Variants in GRID2 observed in about 807,000 individuals in gnomAD.
The protein encoded by GRID2 is glutamate ionotropic receptor delta type subunit 2, also known as glutamate receptor ionotropic, delta-2.
Under a neutral mutation model 114.8 loss-of-function variants are expected in GRID2, and 33 were observed. The observed-to-expected ratio is 0.29, with a 90% CI of 0.22 to 0.38. The LOEUF is 0.38. Among genes scored for constraint, GRID2 ranks in the 10% least tolerant of loss-of-function variants. The probability of loss-of-function intolerance (pLI) is 1.00; values close to 1 mark genes in which losing one functional copy is unlikely to be tolerated. For missense variants in GRID2, 1,184 were observed against 1,257.7 expected (o/e 0.94, Z 0.89); for synonymous variants, 505 against 449.9 (o/e 1.12, Z -1.55).
intron 2 of GRID2, among the ~76,000 whole-genome samples, chr4:93,021,768 A>C (rs1227578046): frequency 6.9e-6 from 1 of 145,854 alleles, no homozygotes; most frequent in East Asian, 2.0e-4. Flanking sequence ...TGAATATTAT[A>C]ATATTTACAA....
intron 2 of GRID2, among the ~76,000 whole-genome samples, chr4:92,789,234 T>A (rs536492893): frequency 6.6e-6 from 1 of 151,992 alleles, no homozygotes; most frequent in African/African-American, 2.4e-5. Context: ...GCTCTTCAAA[T>A]CTACACTTTA....
At chr4:93,110,179 C>T (rs536090363) in intron 3 of GRID2, among the ~76,000 whole-genome samples, 3 of 152,232 alleles carry the variant, frequency 2.0e-5, no homozygotes, top group East Asian at 1.9e-4. Context: ...GGAGGTAATA[C>T]TAATTAAATA....
chr4:93,431,723 G>C (rs1769431928), intron 10 of GRID2, among the ~76,000 whole-genome samples: 4 of 152,064 alleles, frequency 2.6e-5, no homozygotes, highest in Admixed American at 2.6e-4. Context: ...CATTGGTTTT[G>C]GTAGAGTTTT....
intron 8 of GRID2, among the ~76,000 whole-genome samples, chr4:93,279,433 G>A (rs945756493): frequency 1.3e-5 from 2 of 151,714 alleles, no homozygotes; most frequent in Non-Finnish European, 2.9e-5. Context: ...AAAACAAAAA[G>A]TAGGTCATCC....
At chr4:93,259,441 T>A (rs1276272533) in intron 8 of GRID2, among the ~76,000 whole-genome samples, 1 of 151,836 alleles carries the variant, frequency 6.6e-6, no homozygotes, top group East Asian at 1.9e-4. Context: ...TTACCTTGAT[T>A]TTTTAAAATG....
rs553700557 is a variant in GRID2 at position 93,484,725 on chromosome 4, G to C, written c.1859-5914G>C. Among the ~76,000 whole-genome samples the C allele has an allele frequency of 3.2e-3, 483 of 152,022 alleles. 1 individual carries two copies. Among genetic ancestry groups the C allele is most frequent in the South Asian group, 0.014 (68 of 4,824 alleles). On this transcript the variant is annotated intron_variant, in intron 11 of 15. Transcript: ENST00000282020. The stretch of plus-strand genomic sequence containing the variant: ...CACCTATAGTTGGCTGAAACTCTGT[G>C]ATTGGTACAAGAGTAGGTTACAGTC...
chr4:92,866,869 A>C (rs974536017), intron 2 of GRID2, among the ~76,000 whole-genome samples: 44 of 152,196 alleles, frequency 2.9e-4, no homozygotes, highest in Non-Finnish European at 4.0e-4. Context: ...CCTCTTTTTG[A>C]TAGCTAACTC....
chr4:92,938,576 T>TA (rs1295074310), intron 2 of GRID2, among the ~76,000 whole-genome samples: 1 of 146,708 alleles, frequency 6.8e-6, no homozygotes, highest in Non-Finnish European at 1.5e-5. Context: ...TCTTTTTTTT[T>TA]ATTATACTTT....
At chr4:93,542,350 CTTGG>C (rs1732735374) in intron 13 of GRID2, among the ~76,000 whole-genome samples, 1 of 152,096 alleles carries the variant, frequency 6.6e-6, no homozygotes, top group Non-Finnish European at 1.5e-5. Flanking sequence ...ACCTTTTCTC[CTTGG>C]TTTCAATAAT....
At chr4:93,273,076 T>C (rs903217138) in intron 8 of GRID2, among the ~76,000 whole-genome samples, 21 of 152,242 alleles carry the variant, frequency 1.4e-4, no homozygotes, top group African/African-American at 4.8e-4. Flanking sequence ...TTATTTTCTT[T>C]ATAGCACTCA....
intron 12 of GRID2, 48 bp downstream of exon 12, chr4:93,490,825 G>C (rs1311687203): frequency 3.7e-6 from 5 of 1,343,174 alleles, no homozygotes; most frequent in Non-Finnish European, 1.1e-6. Flanking sequence ...GAAATGATAA[G>C]AGTGGCCAAA....
chr4:92,590,175 C>T lies in GRID2; in HGVS notation c.133C>T (p.Arg45Cys), dbSNP rs754110902. The stretch of plus-strand genomic sequence containing the variant: ...TGCCAAAAAGGATGATGAGGTATTT[C>T]GCACTGCGGTTGGTGACCTTAACCA... The part of the protein sequence containing the change: ...ESAKKDDEVF[R>C]TAVGDLNQNE... The change falls in exon 2 of 16, where the codon CGC (arginine) becomes TGC (cysteine). Residue 45 changes from arginine to cysteine, a missense_variant. Arg to Cys is a radical substitution (Grantham distance 180). Around this residue, in one of 3 missense-constraint regions of GRID2, gnomAD observed 455 missense variants for 429.5 expected, o/e 1.06. Coordinates refer to ENST00000282020, the MANE Select transcript of GRID2 (RefSeq NM_001510.4). The T allele has an allele frequency of 7.4e-6, 12 of 1,611,338 alleles. No homozygotes were observed. The highest frequency in any genetic ancestry group is 6.7e-5 in the East Asian group (3 of 44,818).
intron 2 of GRID2, among the ~76,000 whole-genome samples, chr4:92,650,090 C>T (rs1373074058): frequency 2.0e-5 from 3 of 151,872 alleles, no homozygotes; most frequent in Non-Finnish European, 4.4e-5. Flanking sequence ...AGGTCAATAT[C>T]TATTACATTT....
chr4:93,112,070 A>G (rs1732820109), intron 4 of GRID2: 1 of 152,134 alleles, frequency 6.6e-6, no homozygotes, highest in South Asian at 2.1e-4. Flanking sequence ...AATATAAAAT[A>G]TTTCCAATTT....
intron 8 of GRID2, among the ~76,000 whole-genome samples, chr4:93,252,488 A>G (rs1252977373): frequency 6.6e-6 from 1 of 152,042 alleles, no homozygotes; most frequent in East Asian, 1.9e-4. Flanking sequence ...GTATAGTTCA[A>G]AGTCAGGTAA....
chr4:92,956,752 A>G (rs1020878936), intron 2 of GRID2, among the ~76,000 whole-genome samples: 5 of 152,184 alleles, frequency 3.3e-5, no homozygotes, highest in African/African-American at 1.2e-4. Flanking sequence ...TAGCAGCTGT[A>G]ACAATTTGCA....
intron 11 of GRID2, among the ~76,000 whole-genome samples, chr4:93,475,398 T>G (rs1725227777): frequency 6.6e-6 from 1 of 152,132 alleles, no homozygotes. Context: ...TAATGTTAAA[T>G]GATTCCCTTT....
At chr4:93,343,898 A>G (rs1759917936) in intron 8 of GRID2, among the ~76,000 whole-genome samples, 1 of 152,138 alleles carries the variant, frequency 6.6e-6, no homozygotes, top group African/African-American at 2.4e-5. Flanking sequence ...ATTTTGTAAT[A>G]TTCTTGAACA....
intron 5 of GRID2, among the ~76,000 whole-genome samples, chr4:93,210,987 C>A (rs9307122): frequency 0.45 from 68,457 of 151,834 alleles, 16,792 homozygotes; most frequent in Middle Eastern, 0.66. Context: ...ATCAACCTTA[C>A]TAGAAAAATA....
Sources: gnomAD v4.1 joint callset for allele counts (sites outside exome capture counted in the v4.1 genomes callset) on GRCh38, gnomAD v4.1.1 for gene constraint, gnomAD v4.1.1 regional missense constraint, MANE v1.5 for transcripts, NCBI Gene and HGNC (gene_info 2026-07-23, HGNC 2026-07-21) for gene names.